The following NT5E variants were observed in gnomAD, a reference collection of about 807,000 sequenced individuals.
NT5E encodes the protein 5'-nucleotidase.
NT5E carries 53 observed loss-of-function variants against 55.1 expected under a neutral mutation model. The observed-to-expected ratio is 0.96, with a 90% CI of 0.77 to 1.21. The LOEUF is 1.21. Among genes scored for constraint, NT5E ranks in the 50% most tolerant of loss-of-function variants. The pLI is 0.00. For missense variants in NT5E, 683 were observed against 724.3 expected (o/e 0.94, Z 0.65); for synonymous variants, 270 against 278.4 (o/e 0.97, Z 0.30).
At chr6:85,482,901 C>T (rs962747909) in intron 3 of NT5E, among the ~76,000 whole-genome samples, 3 of 152,182 alleles carry the variant, frequency 2.0e-5, no homozygotes, top group Admixed American at 1.3e-4. Flanking sequence ...GTGGAGGAGG[C>T]AGAGATTAGC....
intron 3 of NT5E, among the ~76,000 whole-genome samples, chr6:85,478,454 T>G (rs1268563504): frequency 6.6e-6 from 1 of 152,176 alleles, no homozygotes; most frequent in East Asian, 1.9e-4. Flanking sequence ...CTTGATGGTC[T>G]TCTGCAAAGG....
intron 1 of NT5E, among the ~76,000 whole-genome samples, chr6:85,459,290 T>C (rs1769047408): frequency 6.6e-6 from 1 of 152,238 alleles, no homozygotes; most frequent in East Asian, 1.9e-4. Flanking sequence ...TCTTCAATTA[T>C]AGGGCTTCCT....
chr6:85,481,931 C>T (rs1394802126), intron 3 of NT5E, among the ~76,000 whole-genome samples: 1 of 152,142 alleles, frequency 6.6e-6, no homozygotes, highest in Non-Finnish European at 1.5e-5. Flanking sequence ...GTCACAGTAA[C>T]CTAGGCACAA....
At chr6:85,473,954 T>A (rs998417686) in intron 3 of NT5E, among the ~76,000 whole-genome samples, 2 of 152,260 alleles carry the variant, frequency 1.3e-5, no homozygotes, top group Non-Finnish European at 2.9e-5. Flanking sequence ...CTGTGGTTTG[T>A]GTCCATCAGT....
intron 4 of NT5E, among the ~76,000 whole-genome samples, chr6:85,485,666 T>G (rs1769639111): frequency 6.6e-6 from 1 of 152,230 alleles, no homozygotes; most frequent in South Asian, 2.1e-4. Context: ...ACATCACTGC[T>G]TCCTCTGCCT....
At chr6:85,469,702 G>T (rs1463042554) in intron 2 of NT5E, among the ~76,000 whole-genome samples, 1 of 152,184 alleles carries the variant, frequency 6.6e-6, no homozygotes, top group Non-Finnish European at 1.5e-5. Flanking sequence ...GACAACAGTG[G>T]CAAAACTACA....
chr6:85,460,339 G>A (rs1769069999), intron 1 of NT5E, among the ~76,000 whole-genome samples: 1 of 152,116 alleles, frequency 6.6e-6, no homozygotes, highest in Admixed American at 6.5e-5. Flanking sequence ...TCCCCATACT[G>A]CAAGGAGTTA....
At chr6:85,456,445 G>A (rs1768993851) in intron 1 of NT5E, among the ~76,000 whole-genome samples, 3 of 152,228 alleles carry the variant, frequency 2.0e-5, no homozygotes, top group Admixed American at 2.0e-4. Flanking sequence ...GGTGTCTGAA[G>A]TGGGGGCAGT....
At chr6:85,491,142 G>A (rs1267605461) in intron 7 of NT5E, 1 of 521,524 alleles carries the variant, frequency 1.9e-6, no homozygotes, top group East Asian at 5.6e-5. Flanking sequence ...CTGTGACCTG[G>A]GGCAAGTTCT....
rs749935391 is a variant in NT5E at position 85,450,291 on chromosome 6, G to A, written c.152G>A (p.Cys51Tyr). The change falls in exon 1 of 9, where the codon TGC (cysteine) becomes TAC (tyrosine). Residue 51 changes from cysteine (C) to tyrosine (Y), a missense_variant. By Grantham distance (194) the Cys-to-Tyr change is radical. Transcript: ENST00000257770. This position sits in a 1 kb window ranked among gnomAD's most constrained non-coding sequence, Gnocchi z 4.0. The stretch of plus-strand genomic sequence containing the variant: ...CAGACCAGCGAGGACTCCAGCAAGT[G>A]CGTCAACGCCAGCCGCTGCATGGGT... ...LEQTSEDSSK[C>Y]VNASRCMGGV... The A allele has an allele frequency of 3.7e-6, 6 of 1,606,948 alleles. No individual in the cohort carries two copies. Among genetic ancestry groups the A allele is most frequent in the African/African-American group, 2.7e-5 (2 of 75,008 alleles).
intron 1 of NT5E, among the ~76,000 whole-genome samples, chr6:85,452,663 G>T (rs1768908682): frequency 6.6e-6 from 1 of 152,128 alleles, no homozygotes; most frequent in Non-Finnish European, 1.5e-5. Context: ...TGTCAAACAT[G>T]ATTTGACGTG....
intron 2 of NT5E, 25 bp downstream of exon 2, chr6:85,467,307 A>G (rs1769217026): frequency 3.2e-6 from 5 of 1,569,446 alleles, no homozygotes; most frequent in Non-Finnish European, 3.5e-6. Context: ...TATAGCACTC[A>G]ATGCTTGAAA....
intron 2 of NT5E, among the ~76,000 whole-genome samples, chr6:85,468,656 T>A (rs560825240): frequency 6.6e-6 from 1 of 152,098 alleles, no homozygotes. Context: ...TCCTGGAGCA[T>A]GGGTTCTGAC....
chr6:85,471,472 A>C, intron 3 of NT5E, 47 bp downstream of exon 3: 1 of 1,547,720 alleles, frequency 6.5e-7, no homozygotes, highest in Non-Finnish European at 8.9e-7. Context: ...CCAGATAAGC[A>C]CTGTGTCTCT....
intron 7 of NT5E, 65 bp from the exon 8 acceptor site, chr6:85,491,912 A>G: frequency 6.5e-7 from 1 of 1,526,824 alleles, no homozygotes; most frequent in South Asian, 1.1e-5. Flanking sequence ...GAGTTTGGCC[A>G]AAATTCCTTA....
At chr6:85,475,247 G>A (rs1769405694) in intron 3 of NT5E, among the ~76,000 whole-genome samples, 1 of 152,086 alleles carries the variant, frequency 6.6e-6, no homozygotes, top group South Asian at 2.1e-4. Flanking sequence ...CATATTTTCT[G>A]TTCTGTTATT....
chr6:85,460,615 A>G (rs999578957), intron 1 of NT5E, among the ~76,000 whole-genome samples: 2 of 152,086 alleles, frequency 1.3e-5, no homozygotes, highest in Non-Finnish European at 2.9e-5. Flanking sequence ...GCATGACCAC[A>G]CTGTCCTGAG....
intron 3 of NT5E, among the ~76,000 whole-genome samples, chr6:85,484,226 G>A (rs1180515662): frequency 6.6e-6 from 1 of 152,166 alleles, no homozygotes; most frequent in Non-Finnish European, 1.5e-5. Flanking sequence ...AAACAGTAAT[G>A]GGGTCAAATG....
At chr6:85,457,683 A>G (rs1769016101) in intron 1 of NT5E, among the ~76,000 whole-genome samples, 1 of 152,108 alleles carries the variant, frequency 6.6e-6, no homozygotes, top group Admixed American at 6.5e-5. Context: ...TGGGAAGAGT[A>G]TGAGCCCAGT....
Sources: gnomAD v4.1 joint callset for allele counts (sites outside exome capture counted in the v4.1 genomes callset) on GRCh38, gnomAD v4.1.1 for gene constraint, Gnocchi (gnomAD v3.1) non-coding constraint, MANE v1.5 for transcripts, NCBI Gene and HGNC (gene_info 2026-07-23, HGNC 2026-07-21) for gene names.